Variants in TMEM74 observed in about 807,000 individuals in gnomAD.
TMEM74 encodes transmembrane protein 74.
In TMEM74, 13 loss-of-function variants were observed where a neutral mutation model predicts 18.1. The ratio of observed to expected loss-of-function variants is 0.72; its 90% CI spans 0.47 to 1.14. The LOEUF (loss-of-function observed/expected upper bound fraction) is 1.14, where lower values mean the gene tolerates loss of function less well. Among genes scored for constraint, TMEM74 ranks in the 50% most tolerant of loss-of-function variants. The probability of loss-of-function intolerance (pLI) is 0.00; values close to 1 mark genes in which losing one functional copy is unlikely to be tolerated. For missense variants in TMEM74, 372 were observed against 375.9 expected, an observed-to-expected ratio of 0.99 and a Z score of 0.09; for synonymous variants, 159 against 146.6, an observed-to-expected ratio of 1.08 and a Z score of -0.61.
intron 1 of TMEM74, among the ~76,000 whole-genome samples, chr8:108,680,837 A>G (rs1215147893): frequency 1.3e-5 from 2 of 152,166 alleles, no homozygotes; most frequent in African/African-American, 4.8e-5. Flanking sequence ...ACAAAATCAA[A>G]GTGCAAAAAT....
At chr8:108,711,194 T>A (rs1813471662) in intron 1 of TMEM74, among the ~76,000 whole-genome samples, 1 of 152,224 alleles carries the variant, frequency 6.6e-6, no homozygotes, top group African/African-American at 2.4e-5. Context: ...TATAAGAAAC[T>A]GAGTGAAGAG....
intron 1 of TMEM74, among the ~76,000 whole-genome samples, chr8:108,708,878 G>A (rs1341508989): frequency 9.2e-6 from 1 of 109,154 alleles, no homozygotes. Flanking sequence ...GACTTGAACA[G>A]ACATTTCTCC....
chr8:108,649,846 A>AT (rs1014443866), intron 2 of TMEM74, among the ~76,000 whole-genome samples: 1 of 151,960 alleles, frequency 6.6e-6, no homozygotes, highest in African/African-American at 2.4e-5. Context: ...TTGCTTGGCA[A>AT]TTTTTTTCAC....
chr8:108,754,668 T>G (rs1050890540), intron 1 of TMEM74, among the ~76,000 whole-genome samples: 5 of 151,536 alleles, frequency 3.3e-5, no homozygotes, highest in African/African-American at 1.2e-4. Flanking sequence ...GGTAGCTAGG[T>G]AGCTAGGTAG....
At chr8:108,608,069 C>T (rs919921652) in intron 3 of TMEM74, among the ~76,000 whole-genome samples, 17 of 151,810 alleles carry the variant, frequency 1.1e-4, no homozygotes, top group Non-Finnish European at 1.5e-4. Flanking sequence ...TTTGGGAGGC[C>T]GAGGCGGGTG....
At chr8:108,656,335 G>T (rs1812821214) in intron 1 of TMEM74, among the ~76,000 whole-genome samples, 2 of 152,138 alleles carry the variant, frequency 1.3e-5, no homozygotes, top group Non-Finnish European at 2.9e-5. Flanking sequence ...TCATAATCGG[G>T]AAGCTCATTG....
In TMEM74 at chr8:108,707,138, G is replaced by A. The variant is rs569291643; in HGVS notation, n.120-51701C>T. On this transcript the variant is annotated intron_variant and non_coding_transcript_variant, in intron 1 of 3. Transcript: ENST00000518838. Reference sequence around the variant, plus strand: ...CTCATAGGTGGGAACTGAACAATGAGAACACTTGGACACAGGGCGGGGAAC... The same window carrying A: ...CTCATAGGTGGGAACTGAACAATGAAAACACTTGGACACAGGGCGGGGAAC... Among the ~76,000 whole-genome samples the A allele has an allele frequency of 3.2e-4, 39 of 122,564 alleles. No homozygotes were observed. The East Asian group carries it at 0.01, about 32-fold the overall frequency. The allele number at this position is 122,564 out of a possible 152,430, so 80.4% of individuals were successfully genotyped here.
At chr8:108,744,290 G>C (rs1813828366) in intron 1 of TMEM74, among the ~76,000 whole-genome samples, 1 of 152,014 alleles carries the variant, frequency 6.6e-6, no homozygotes, top group African/African-American at 2.4e-5. Flanking sequence ...AACAAAACAA[G>C]ACAAAATTTC....
chr8:108,632,006 C>T (rs1299025023), intron 2 of TMEM74, among the ~76,000 whole-genome samples: 1 of 151,946 alleles, frequency 6.6e-6, no homozygotes, highest in Non-Finnish European at 1.5e-5. Context: ...AGATTTTGTT[C>T]CTACCCTCAT....
chr8:108,624,362 T>G (rs1238529352), intron 2 of TMEM74, among the ~76,000 whole-genome samples: 1 of 152,104 alleles, frequency 6.6e-6, no homozygotes, highest in East Asian at 1.9e-4. Flanking sequence ...TTCCAGAAGC[T>G]TCTAAAGGTT....
chr8:108,641,632 C>A (rs1364272336), intron 2 of TMEM74, among the ~76,000 whole-genome samples: 1 of 152,150 alleles, frequency 6.6e-6, no homozygotes, highest in Non-Finnish European at 1.5e-5. Flanking sequence ...AGAAGTATAT[C>A]TCACCCCAAG....
intron 1 of TMEM74, among the ~76,000 whole-genome samples, chr8:108,697,158 T>C (rs1813288592): frequency 6.6e-6 from 1 of 152,104 alleles, no homozygotes; most frequent in Admixed American, 6.5e-5. Context: ...ATCTGTCTCA[T>C]TTTCCCACAC....
At chr8:108,677,817 T>C (rs182329422) in intron 1 of TMEM74, among the ~76,000 whole-genome samples, 1 of 152,272 alleles carries the variant, frequency 6.6e-6, no homozygotes, top group Admixed American at 6.5e-5. Flanking sequence ...AGCCATGAGA[T>C]TGGATCAGCC....
chr8:108,622,547 C>T (rs1812454503), intron 2 of TMEM74, among the ~76,000 whole-genome samples: 1 of 152,070 alleles, frequency 6.6e-6, no homozygotes, highest in Non-Finnish European at 1.5e-5. Flanking sequence ...TGTTGAGTTC[C>T]TGCTCCACTA....
intron 2 of TMEM74, among the ~76,000 whole-genome samples, chr8:108,630,987 A>G (rs892004019): frequency 1.3e-4 from 20 of 151,886 alleles, no homozygotes; most frequent in African/African-American, 4.8e-4. Flanking sequence ...ATACACCTAC[A>G]CTCACTCATA....
rs191071063 is a variant in TMEM74, at chr8:108,613,772, C to T, written n.265-4946G>A. On this transcript the variant is annotated intron_variant and non_coding_transcript_variant, in intron 2 of 3. Coordinates refer to the TMEM74 transcript ENST00000518838. ...TTTTCATCTTGGCTAGACACATTCC[C>T]CAGGGCTCTAGACCTTACATCAAAT... 1.2e-4 allele frequency among the ~76,000 whole-genome samples: 18 copies of T among 152,294 alleles called. No homozygotes were observed. The East Asian group carries it at 3.3e-3, about 28-fold the overall frequency.
intron 2 of TMEM74, among the ~76,000 whole-genome samples, chr8:108,625,377 T>C (rs138386088): frequency 6.6e-6 from 1 of 152,054 alleles, no homozygotes; most frequent in African/African-American, 2.4e-5. Context: ...ACATTCTATA[T>C]AGTCATGCGA....
At position 108,764,891 on chromosome 8, in the gene TMEM74, T is replaced by C. The variant is rs557653676; in HGVS notation, n.119+22585A>G. Among the ~76,000 whole-genome samples, 24 of 152,280 alleles carry C rather than the reference T, an allele frequency of 1.6e-4. No individual in the cohort carries two copies. In the South Asian group the frequency reaches 5.0e-3, roughly 32 times the overall value. ...AGTCCCAGTTTCGCCAGATATGAAC[T>C]CTCTGCCTCATTATCCAGCTGCAGA... On this transcript the variant is annotated intron_variant and non_coding_transcript_variant, in intron 1 of 3. Coordinates refer to the TMEM74 transcript ENST00000518838.
downstream of TMEM74, among the ~76,000 whole-genome samples, chr8:108,778,117 A>G (rs1003635975): frequency 1.3e-5 from 2 of 152,194 alleles, no homozygotes; most frequent in South Asian, 2.1e-4. Flanking sequence ...GAGAATATTT[A>G]TGTTCATTGA....
Sources: allele counts gnomAD v4.1 joint callset (sites outside exome capture counted in the v4.1 genomes callset), GRCh38; gene constraint gnomAD v4.1.1; transcripts MANE v1.5; gene names NCBI Gene and HGNC (gene_info 2026-07-23, HGNC 2026-07-21).